The following HEATR4 variants were observed in gnomAD, a reference collection of about 807,000 sequenced individuals.
HEATR4 encodes HEAT repeat containing 4, also known as HEAT repeat-containing protein 4.
In HEATR4, 95 loss-of-function variants were observed where a neutral mutation model predicts 108.8. The observed-to-expected ratio is 0.87, with a 90% CI of 0.74 to 1.04. HEATR4 has a LOEUF of 1.04. HEATR4 is among the 50% of genes least tolerant of loss of function. HEATR4 has a pLI of 0.00. For synonymous variants in HEATR4, 443 were observed against 459.4 expected, an observed-to-expected ratio of 0.96 and a Z score of 0.46; for missense variants, 1,152 against 1,253.8, an observed-to-expected ratio of 0.92 and a Z score of 1.23.
chr14:73,502,866 A>C (rs778436873), intron 11 of HEATR4, 29 bp downstream of exon 11: 2 of 1,521,492 alleles, frequency 1.3e-6, no homozygotes, highest in African/African-American at 1.4e-5. Flanking sequence ...AATTTAGAAG[A>C]GTGTCTCCTC....
chr14:73,571,440 G>A, the HEATR4 span: 1 of 151,948 alleles, frequency 6.6e-6, no homozygotes, highest in Non-Finnish European at 1.5e-5. Context: ...TGTTTTGCAT[G>A]TGCTTCATCT....
intron 8 of HEATR4, 124 bp downstream of exon 8, chr14:73,509,188 A>G (rs2140275922): frequency 2.0e-6 from 2 of 983,648 alleles, no homozygotes; most frequent in Middle Eastern, 2.5e-4. Context: ...ATGGTCTAAC[A>G]TAAATCTAAA....
the HEATR4 span, among the ~76,000 whole-genome samples, chr14:73,605,724 C>T: frequency 3.9e-5 from 6 of 151,920 alleles, no homozygotes; most frequent in South Asian, 1.0e-3. Flanking sequence ...GTGCCTGCCA[C>T]CATGCCCAGC....
chr14:73,571,220 GCAGGAC>G, the HEATR4 span: 1 of 152,730 alleles, frequency 6.5e-6, no homozygotes, highest in Non-Finnish European at 1.5e-5. Flanking sequence ...CCTATGCATG[GCAGGAC>G]CAGGTACTAT....
In HEATR4 at chr14:73,555,147, G is replaced by A. The variant is rs1595162879; in HGVS notation, c.-152+3604C>T. On this transcript the variant is annotated intron_variant, in intron 1 of 17. Transcript: ENST00000553558. ...ACTAGAGAAAGATATGAATATACAG[G>A]TATAAGAAGGTCATAAAACACCAAG... Among the ~76,000 whole-genome samples the A allele has an allele frequency of 1.8e-5, 2 of 112,948 alleles. 1 individual carries two copies. The highest frequency in any genetic ancestry group is 1.4e-3 in the East Asian group (2 of 1,444). 74.1% of individuals were successfully genotyped at this position (112,948 alleles called of 152,430 possible). A position where few individuals can be genotyped will look rare whatever the true frequency, so the allele number is the denominator to read the frequency against.
intron 17 of HEATR4, among the ~76,000 whole-genome samples, chr14:73,483,941 G>A (rs371001540): frequency 2.6e-5 from 4 of 151,810 alleles, no homozygotes; most frequent in South Asian, 2.1e-4. Context: ...TGCAACCTCC[G>A]CCTCTCAGGT....
chr14:73,571,586 AGT>A, the HEATR4 span: 1 of 151,290 alleles, frequency 6.6e-6, no homozygotes, highest in Non-Finnish European at 1.5e-5. Context: ...GTGCTGCTGC[AGT>A]GTCACATGCA....
At chr14:73,576,816 A>AAAAAAAAAAAAAAAAAAAAAAAAAG in the HEATR4 span, among the ~76,000 whole-genome samples, 188 of 58,144 alleles carry the variant, frequency 3.2e-3, 46 homozygotes, top group Non-Finnish European at 5.1e-3. Context: ...AAAAAAAAAA[A>AAAAAAAAAAAAAAAAAAAAAAAAAG]AAAAGACAAT....
chr14:73,585,818 TTC>T, the HEATR4 span, among the ~76,000 whole-genome samples: 2 of 124,862 alleles, frequency 1.6e-5, no homozygotes, highest in African/African-American at 9.2e-5. Context: ...TTTTGTCTTT[TTC>T]TTTTTTTTTT....
At chr14:73,513,259 G>A (rs1033814368) in intron 6 of HEATR4, among the ~76,000 whole-genome samples, 1 of 152,168 alleles carries the variant, frequency 6.6e-6, no homozygotes, top group Non-Finnish European at 1.5e-5. Context: ...AGGAGTTCGA[G>A]ACCAGCCTGG....
chr14:73,585,346 C>T, the HEATR4 span, among the ~76,000 whole-genome samples: 1 of 152,094 alleles, frequency 6.6e-6, no homozygotes, highest in Non-Finnish European at 1.5e-5. Flanking sequence ...GGGTCCTGTG[C>T]CTCCCCTTCT....
the HEATR4 span, among the ~76,000 whole-genome samples, chr14:73,575,931 C>T: frequency 6.6e-6 from 1 of 151,736 alleles, no homozygotes; most frequent in East Asian, 1.9e-4. Flanking sequence ...GTGGGCGGAT[C>T]ACTTGAGGTC....
the HEATR4 span, among the ~76,000 whole-genome samples, chr14:73,603,254 T>G: frequency 6.6e-6 from 1 of 152,258 alleles, no homozygotes. Context: ...AAGCAGTTTA[T>G]GACCTTAAAT....
chr14:73,610,113 A>T, the HEATR4 span, among the ~76,000 whole-genome samples: 1 of 151,952 alleles, frequency 6.6e-6, no homozygotes, highest in Non-Finnish European at 1.5e-5. Context: ...GTGGCTACCT[A>T]AAGAATCTTT....
At chr14:73,508,347 G>A (rs973792413) in intron 8 of HEATR4, 53 bp from the exon 9 acceptor site, 4 of 1,562,548 alleles carry the variant, frequency 2.6e-6, no homozygotes, top group Non-Finnish European at 3.5e-6. Context: ...TTTCCCCCTA[G>A]AGAACAGCCT....
At chr14:73,607,262 A>G in the HEATR4 span, among the ~76,000 whole-genome samples, 2 of 152,208 alleles carry the variant, frequency 1.3e-5, no homozygotes, top group Non-Finnish European at 2.9e-5. Context: ...GTGAGCCAAG[A>G]TTGCACCACT....
chr14:73,525,184 AC>A (rs1438848230), intron 2 of HEATR4, among the ~76,000 whole-genome samples: 2 of 152,034 alleles, frequency 1.3e-5, no homozygotes, highest in Non-Finnish European at 2.9e-5. Flanking sequence ...TGCATGCGCC[AC>A]CACACCCAGC....
intron 7 of HEATR4, among the ~76,000 whole-genome samples, chr14:73,511,396 G>A (rs1887240408): frequency 6.6e-6 from 1 of 151,814 alleles, no homozygotes; most frequent in African/African-American, 2.4e-5. Context: ...ACGCCTGTAT[G>A]TAGTCCCAGC....
rs35947834 is a variant in HEATR4, at chr14:73,545,260, A to G, written c.-152+13491T>C. The stretch of plus-strand genomic sequence containing the variant: ...TTTTTTGTACAGATGGGGTCTCCCA[A>G]TGTTGCCCAGGCTAGTCCTGAATTA... On this transcript the variant is annotated intron_variant, in intron 1 of 17. Coordinates refer to ENST00000553558, the MANE Select transcript of HEATR4 (RefSeq NM_001220484.1). Among the ~76,000 whole-genome samples the G allele has an allele frequency of 7.2e-5, 8 of 111,866 alleles. 3 individuals are homozygous for G. Among genetic ancestry groups the G allele is most frequent in the Admixed American group, 2.1e-4 (2 of 9,734 alleles). 73.4% of individuals were successfully genotyped at this position (111,866 alleles called of 152,430 possible).
Sources: allele counts gnomAD v4.1 joint callset (sites outside exome capture counted in the v4.1 genomes callset), GRCh38; gene constraint gnomAD v4.1.1; transcripts MANE v1.5; gene names NCBI Gene and HGNC (gene_info 2026-07-23, HGNC 2026-07-21).